The following ZFHX3 variants were observed in gnomAD, a reference collection of about 807,000 sequenced individuals.
ZFHX3 encodes zinc finger homeobox protein 3.
In ZFHX3, 42 loss-of-function variants were observed where a neutral mutation model predicts 279.1. The ratio of observed to expected loss-of-function variants is 0.15; its 90% CI spans 0.12 to 0.19. The LOEUF is 0.19. Ranked by LOEUF, ZFHX3 falls within the 10% of genes least tolerant of loss-of-function variation. ZFHX3 has a pLI of 1.00. For missense variants in ZFHX3, 4,981 were observed against 4,754.0 expected (o/e 1.05, Z -1.40); for synonymous variants, 2,293 against 1,957.8 (o/e 1.17, Z -4.52).
At chr16:73,067,061 C>T (rs1567656276) in intron 8 of ZFHX3, among the ~76,000 whole-genome samples, 1 of 152,130 alleles carries the variant, frequency 6.6e-6, no homozygotes, top group South Asian at 2.1e-4. Context: ...GCCCTGCTCG[C>T]CTCCAAGGCA....
chr16:73,496,320 C>T (rs1454376075), intron 2 of ZFHX3, among the ~76,000 whole-genome samples: 3 of 152,216 alleles, frequency 2.0e-5, no homozygotes, highest in Non-Finnish European at 4.4e-5. Context: ...CACTTGAGGT[C>T]AGGAGTTTGA....
At chr16:73,690,599 T>C (rs565651168) in intron 1 of ZFHX3, among the ~76,000 whole-genome samples, 6 of 152,324 alleles carry the variant, frequency 3.9e-5, no homozygotes, top group African/African-American at 1.4e-4. Context: ...CAAGAAGTAG[T>C]GTCTATTTCT....
chr16:73,455,010 T>G (rs1016487611), intron 3 of ZFHX3, among the ~76,000 whole-genome samples: 1 of 152,176 alleles, frequency 6.6e-6, no homozygotes, highest in Admixed American at 6.5e-5. Flanking sequence ...AACATGCTAC[T>G]TATTTTTCAC....
At position 72,788,478 on chromosome 16, in the gene ZFHX3, C is replaced by T. The variant is rs201619039; in HGVS notation, c.9798G>A (p.Thr3266=). The part of the protein sequence containing the change: ...VPKKEKGEAP[T]ATAATISAPL... ...GGGCTGAGATCGTGGCTGCAGTTGC[C>T]GTGGGGGCCTCTCCTTTCTCCTTCT... is the stretch of plus-strand genomic sequence containing the variant. The change falls in exon 10 of 10, where the codon ACG becomes ACA. Residue 3266 remains threonine (T), a synonymous_variant. Transcript: ENST00000268489. 48 of 1,614,176 alleles carry T rather than the reference C, an allele frequency of 3.0e-5. No homozygotes were observed. Among genetic ancestry groups the T allele is most frequent in the African/African-American group, 1.2e-4 (9 of 75,048 alleles).
chr16:72,787,203 A>G lies in ZFHX3; in HGVS notation c.11073T>C (p.Ser3691=), dbSNP rs766099280. The part of the protein sequence containing the change: ...GPKDPSCPKD[S]GLTSVGTDTF... Reference sequence around the variant, plus strand: ...TGTCCGTTCCTACACTGGTCAGACCACTGTCCTTGGGGCAGCTGGGGTCTT... The same window carrying G: ...TGTCCGTTCCTACACTGGTCAGACCGCTGTCCTTGGGGCAGCTGGGGTCTT... The change falls in exon 10 of 10, where the codon AGT becomes AGC. Residue 3691 remains serine (S), a synonymous_variant. Transcript: ENST00000268489. 2 of 1,613,800 alleles carry G rather than the reference A, an allele frequency of 1.2e-6. No homozygotes were observed. Among genetic ancestry groups the G allele is most frequent in the Non-Finnish European group, 1.7e-6 (2 of 1,179,778 alleles).
At chr16:72,955,174 G>A (rs565413387) in intron 2 of ZFHX3, among the ~76,000 whole-genome samples, 8 of 152,122 alleles carry the variant, frequency 5.3e-5, no homozygotes, top group South Asian at 2.1e-4. Context: ...CAGTTTTCGC[G>A]GCCCAAGGAA....
chr16:73,200,160 T>TA (rs530307845), intron 5 of ZFHX3, among the ~76,000 whole-genome samples: 9 of 152,154 alleles, frequency 5.9e-5, no homozygotes, highest in Non-Finnish European at 1.3e-4. Context: ...GAATAAAAAC[T>TA]AAAAAATGAA....
chr16:73,417,437 G>T (rs2017613737), intron 3 of ZFHX3, among the ~76,000 whole-genome samples: 1 of 119,852 alleles, frequency 8.3e-6, no homozygotes, highest in African/African-American at 3.3e-5. Context: ...TTGCTATGTC[G>T]CCCAGTTTGT....
rs946616315 is a variant in ZFHX3, at chr16:72,975,062, G to A, written c.-49-14868C>T. ...CGGCAGCAAGAACTACCACCAGGAC[G>A]CAAGGGCTTTGAGACAGACTGAAGG... is the stretch of plus-strand genomic sequence containing the variant. On this transcript the variant is annotated intron_variant, in intron 1 of 9. Transcript: ENST00000268489. Among the ~76,000 whole-genome samples the A allele has an allele frequency of 5.3e-5, 8 of 152,156 alleles. No homozygotes were observed. In the East Asian group the frequency reaches 5.8e-4, roughly 11 times the overall value.
intron 4 of ZFHX3, 54 bp downstream of exon 4, chr16:72,889,677 G>A (rs1662563047): frequency 1.2e-5 from 19 of 1,564,072 alleles, no homozygotes; most frequent in Non-Finnish European, 1.7e-5. Flanking sequence ...GAGGTCTCAA[G>A]GAGGTGAACA....
intron 8 of ZFHX3, among the ~76,000 whole-genome samples, chr16:73,082,535 C>T (rs1490205076): frequency 6.6e-6 from 1 of 152,144 alleles, no homozygotes; most frequent in Non-Finnish European, 1.5e-5. Context: ...TCCCAGAGTG[C>T]TGGGATTACA....
At chr16:73,005,855 T>G (rs995633592) in intron 1 of ZFHX3, 1 of 152,210 alleles carries the variant, frequency 6.6e-6, no homozygotes, top group Non-Finnish European at 1.5e-5. Context: ...ATGTGAGCTG[T>G]TACTCTGATT....
chr16:73,209,666 G>A (rs2011939142), intron 5 of ZFHX3, among the ~76,000 whole-genome samples: 1 of 152,062 alleles, frequency 6.6e-6, no homozygotes, highest in Non-Finnish European at 1.5e-5. Context: ...AGCTGGTATT[G>A]TTTTGCATTT....
At chr16:73,889,073 T>C (rs778955583) in intron 1 of ZFHX3, among the ~76,000 whole-genome samples, 8 of 152,226 alleles carry the variant, frequency 5.3e-5, no homozygotes, top group Non-Finnish European at 8.8e-5. Flanking sequence ...ATTTGTAGAT[T>C]GATACGGATG....
intron 1 of ZFHX3, among the ~76,000 whole-genome samples, chr16:73,849,224 CCT>C (rs1042974959): frequency 1.6e-4 from 25 of 152,318 alleles, no homozygotes; most frequent in African/African-American, 6.0e-4. Context: ...CAATTCACAT[CCT>C]GATGTTGCTT....
At chr16:73,187,674 G>T (rs1198263581) in intron 5 of ZFHX3, among the ~76,000 whole-genome samples, 2 of 152,202 alleles carry the variant, frequency 1.3e-5, no homozygotes, top group East Asian at 3.8e-4. Context: ...AATGGAGCAG[G>T]CGAGTCTCTT....
At position 73,883,055 on chromosome 16, in the gene ZFHX3, C is replaced by CA. The variant is rs916940796; in HGVS notation, c.-1608+8595dup. Among the ~76,000 whole-genome samples, 213 of 145,934 alleles carry CA rather than the reference C, an allele frequency of 1.5e-3. 2 individuals are homozygous for CA. The highest frequency in any genetic ancestry group is 4.0e-3 in the African/African-American group (160 of 39,916). On this transcript the variant is annotated intron_variant, in intron 1 of 17. Coordinates refer to the ZFHX3 transcript ENST00000641206. ...TAAAAAAAAAAATAGTCTTTCACAT[C>CA]AAAAAAAAAACTACATGATTTCTAT... is the stretch of plus-strand genomic sequence containing the variant.
chr16:73,266,895 T>C (rs1177446681), intron 4 of ZFHX3, among the ~76,000 whole-genome samples: 1 of 152,226 alleles, frequency 6.6e-6, no homozygotes, highest in African/African-American at 2.4e-5. Flanking sequence ...AACTTCTTTT[T>C]CTTTATAAAT....
At chr16:73,802,034 G>C (rs1960160520) in intron 1 of ZFHX3, among the ~76,000 whole-genome samples, 1 of 152,180 alleles carries the variant, frequency 6.6e-6, no homozygotes, top group Non-Finnish European at 1.5e-5. Context: ...CCTTGTTTAT[G>C]AAGGACAGTG....
Sources: allele counts gnomAD v4.1 joint callset (sites outside exome capture counted in the v4.1 genomes callset), GRCh38; gene constraint gnomAD v4.1.1; transcripts MANE v1.5; gene names NCBI Gene and HGNC (gene_info 2026-07-23, HGNC 2026-07-21).